The following PACRGL variants were observed in gnomAD, a reference collection of about 807,000 sequenced individuals.
PACRGL encodes the protein parkin coregulated like.
Under a neutral mutation model 34.5 loss-of-function variants are expected in PACRGL, and 38 were observed. The observed-to-expected ratio is 1.10, with a 90% CI of 0.85 to 1.44. PACRGL has a LOEUF of 1.44. Among genes scored for constraint, PACRGL ranks in the 40% most tolerant of loss-of-function variants. PACRGL has a pLI of 0.00. For synonymous variants in PACRGL, 128 were observed against 100.1 expected (o/e 1.28, Z -1.66); for missense variants, 305 against 281.4 (o/e 1.08, Z -0.60).
chr4:20,735,060 CTAA>C (rs1311405112), downstream of PACRGL, among the ~76,000 whole-genome samples: 3 of 152,114 alleles, frequency 2.0e-5, no homozygotes, highest in African/African-American at 7.2e-5. Flanking sequence ...CTAAAAGAAT[CTAA>C]TAATAGTTTT....
intron 1 of PACRGL, among the ~76,000 whole-genome samples, chr4:20,703,914 C>T (rs1733407879): frequency 6.6e-6 from 1 of 152,110 alleles, no homozygotes; most frequent in African/African-American, 2.4e-5. Context: ...GTCTGAGGAC[C>T]AGAAAACTGG....
chr4:20,747,657 C>G (rs1752655332), intron 8 of PACRGL, among the ~76,000 whole-genome samples: 1 of 152,044 alleles, frequency 6.6e-6, no homozygotes, highest in African/African-American at 2.4e-5. Flanking sequence ...CCACTCTCAG[C>G]TTTTATTTTT....
chr4:20,759,830 T>TGATA, the PACRGL span, among the ~76,000 whole-genome samples: 3 of 152,070 alleles, frequency 2.0e-5, no homozygotes, highest in Non-Finnish European at 4.4e-5. Flanking sequence ...GACAATCACA[T>TGATA]GATAGCCCAG....
At chr4:20,747,766 A>C (rs1008973502) in intron 8 of PACRGL, among the ~76,000 whole-genome samples, 6 of 152,108 alleles carry the variant, frequency 3.9e-5, no homozygotes, top group African/African-American at 1.4e-4. Flanking sequence ...CTGCATGAGC[A>C]TGGAGTATGT....
chr4:20,758,976 C>G, the PACRGL span: 1 of 980,126 alleles, frequency 1.0e-6, no homozygotes, highest in Non-Finnish European at 1.6e-6. Flanking sequence ...AACTGTCTAC[C>G]ATGCAAAGCT....
chr4:20,763,274 A>G, the PACRGL span, among the ~76,000 whole-genome samples: 5 of 152,114 alleles, frequency 3.3e-5, no homozygotes, highest in Admixed American at 3.3e-4. Flanking sequence ...GCTTTTTTGG[A>G]TGAGGGATAG....
chr4:20,737,504 C>A (rs73110233), downstream of PACRGL, among the ~76,000 whole-genome samples: 2 of 151,930 alleles, frequency 1.3e-5, no homozygotes, highest in East Asian at 3.9e-4. Flanking sequence ...GTAGATGGGC[C>A]GATCTGAGAA....
chr4:20,703,729 C>T (rs555196731), intron 1 of PACRGL, among the ~76,000 whole-genome samples: 1 of 152,208 alleles, frequency 6.6e-6, no homozygotes, highest in East Asian at 1.9e-4. Context: ...TTAAACAGGT[C>T]AGGAAGTCGA....
downstream of PACRGL, chr4:20,734,753 T>C (rs757146319): frequency 5.0e-6 from 7 of 1,412,026 alleles, no homozygotes; most frequent in Admixed American, 2.2e-5. Flanking sequence ...GAAATAAAAA[T>C]TCAATTTTAT....
At chr4:20,703,504 GTGTGTGTT>G (rs3074605) in intron 1 of PACRGL, among the ~76,000 whole-genome samples, 3,741 of 144,482 alleles carry the variant, frequency 0.026, 61 homozygotes, top group Middle Eastern at 0.091. Flanking sequence ...GTGTGTGTGT[GTGTGTGTT>G]TGTGTGTGTG....
intron 8 of PACRGL, chr4:20,749,856 C>G: frequency 1.7e-6 from 1 of 580,378 alleles, no homozygotes; most frequent in Non-Finnish European, 3.0e-6. Context: ...TTTGTGCTTT[C>G]TTCACAACTG....
chr4:20,729,447 C>T lies in PACRGL; in HGVS notation c.*2106C>T, dbSNP rs1747217972. Reference sequence around the variant, plus strand: ...GCTTATTAAAATAAGTTTTATTAGGCATATGCTGATATCTGATAATAAACT... The same window carrying T: ...GCTTATTAAAATAAGTTTTATTAGGTATATGCTGATATCTGATAATAAACT... On this transcript the variant is annotated 3_prime_UTR_variant, in exon 9 of 9. Coordinates refer to ENST00000503585, the MANE Select transcript of PACRGL (RefSeq NM_001258345.3). 1 of 139,568 alleles carries T rather than the reference C, an allele frequency of 7.2e-6. No homozygotes were observed. The highest frequency in any genetic ancestry group is 1.6e-5 in the Non-Finnish European group (1 of 62,480). The allele number at this position is 139,568 out of a possible 1,614,324, so 8.6% of individuals were successfully genotyped here.
At chr4:20,745,152 C>T (rs1020226526) in intron 8 of PACRGL, among the ~76,000 whole-genome samples, 1 of 152,162 alleles carries the variant, frequency 6.6e-6, no homozygotes, top group African/African-American at 2.4e-5. Flanking sequence ...CAGGGTCCCA[C>T]CCTTAGGTTG....
At chr4:20,726,526 G>A (rs1034881437) in intron 8 of PACRGL, among the ~76,000 whole-genome samples, 11 of 151,972 alleles carry the variant, frequency 7.2e-5, no homozygotes, top group Non-Finnish European at 1.3e-4. Context: ...CTGTTACTTC[G>A]TAATCCTTCA....
At chr4:20,746,001 A>G (rs563737414) in intron 8 of PACRGL, among the ~76,000 whole-genome samples, 1 of 152,342 alleles carries the variant, frequency 6.6e-6, no homozygotes, top group African/African-American at 2.4e-5. Flanking sequence ...TAGAAATACC[A>G]TTTGACACAG....
At chr4:20,715,290 G>A (rs981597467) in intron 7 of PACRGL, among the ~76,000 whole-genome samples, 2 of 152,000 alleles carry the variant, frequency 1.3e-5, no homozygotes, top group Non-Finnish European at 2.9e-5. Flanking sequence ...GGAGTAGTGG[G>A]GAGGGATAGC....
Position 20,729,452 on chromosome 4 carries a change from G to T in PACRGL, c.*2111G>T, listed in dbSNP as rs1318893935. On this transcript the variant is annotated 3_prime_UTR_variant, in exon 9 of 9. Coordinates refer to ENST00000503585, the MANE Select transcript of PACRGL (RefSeq NM_001258345.3). ...TTAAAATAAGTTTTATTAGGCATAT[G>T]CTGATATCTGATAATAAACTAATTT... 2 of 133,282 alleles carry T rather than the reference G, an allele frequency of 1.5e-5. No homozygotes were observed. Among genetic ancestry groups the T allele is most frequent in the African/African-American group, 5.5e-5 (2 of 36,636 alleles). The allele number at this position is 133,282 out of a possible 1,614,324, so 8.3% of individuals were successfully genotyped here.
At chr4:20,703,477 AGTGTGTGTGTGTGTGTGT>A (rs34932810) in intron 1 of PACRGL, among the ~76,000 whole-genome samples, 71 of 141,556 alleles carry the variant, frequency 5.0e-4, no homozygotes, top group African/African-American at 1.8e-3. Context: ...TGGGTATATG[AGTGTGTGTGTGTGTGTGT>A]GTGTGTGTGT....
chr4:20,710,964 G>A (rs768339871), intron 5 of PACRGL, among the ~76,000 whole-genome samples: 80 of 152,112 alleles, frequency 5.3e-4, no homozygotes, highest in Non-Finnish European at 9.0e-4. Flanking sequence ...AAGGTAGGAG[G>A]ATCACTTGAG....
Sources: gnomAD v4.1 joint callset for allele counts (sites outside exome capture counted in the v4.1 genomes callset) on GRCh38, gnomAD v4.1.1 for gene constraint, MANE v1.5 for transcripts, NCBI Gene and HGNC (gene_info 2026-07-23, HGNC 2026-07-21) for gene names.